ADPGK: variants seen among roughly 807,000 people sequenced by gnomAD.
ADPGK encodes the protein ADP-dependent glucokinase.
Under a neutral mutation model 42.4 loss-of-function variants are expected in ADPGK, and 26 were observed. That is an observed-to-expected ratio of 0.61 (90% confidence interval 0.45 to 0.85). ADPGK has a LOEUF of 0.85. Among genes scored for constraint, ADPGK ranks in the 40% least tolerant of loss-of-function variants. ADPGK has a pLI of 0.00. For missense variants in ADPGK, 571 were observed against 627.0 expected, an observed-to-expected ratio of 0.91 and a Z score of 0.95; for synonymous variants, 267 against 252.6, an observed-to-expected ratio of 1.06 and a Z score of -0.54.
rs2066050640 is a variant in ADPGK, at chr15:72,751,945, G to A, written c.*396C>T. The A allele has an allele frequency of 5.4e-6, 1 of 186,852 alleles. No individual in the cohort carries two copies. The highest frequency in any genetic ancestry group is 2.4e-5 in the African/African-American group (1 of 42,418). 11.6% of individuals were successfully genotyped at this position (186,852 alleles called of 1,614,324 possible). On this transcript the variant is annotated 3_prime_UTR_variant, in exon 7 of 7. Transcript: ENST00000456471. ...CATGGGCACTGAGCTGAAAGAAAGA[G>A]GAACCTCACATGAGGCTTTCCTAGA...
Position 72,763,586 on chromosome 15 carries a change from A to G in ADPGK, c.523-3059T>C, listed in dbSNP as rs528690314. Among the ~76,000 whole-genome samples the G allele has an allele frequency of 7.0e-4, 107 of 152,336 alleles. 1 individual carries two copies. The highest frequency in any genetic ancestry group is 2.4e-3 in the African/African-American group (99 of 41,570). On this transcript the variant is annotated intron_variant, in intron 3 of 6. Coordinates refer to ENST00000456471, the MANE Select transcript of ADPGK (RefSeq NM_001365225.1). Reference sequence around the variant, plus strand: ...CTTATTATTTAAATCTCTTTAAGAGATAACTGAAGAGAAGTACTAACAAAT... The same window carrying G: ...CTTATTATTTAAATCTCTTTAAGAGGTAACTGAAGAGAAGTACTAACAAAT...
chr15:72,760,363 G>A (rs375786128), intron 4 of ADPGK, 44 bp downstream of exon 4: 164 of 1,557,596 alleles, frequency 1.1e-4, no homozygotes, highest in Non-Finnish European at 1.3e-4. Flanking sequence ...ACAATACACA[G>A]CCCCTTGACT....
At chr15:72,783,088 A>T in intron 1 of ADPGK, 1 of 483,484 alleles carries the variant, frequency 2.1e-6, no homozygotes, top group Non-Finnish European at 2.8e-6. Context: ...CAGAAGAAAG[A>T]GGAAGAGTGT....
At chr15:72,773,652 G>A (rs1273312095) in intron 2 of ADPGK, among the ~76,000 whole-genome samples, 2 of 152,162 alleles carry the variant, frequency 1.3e-5, no homozygotes, top group Admixed American at 1.3e-4. Context: ...AATCAAACTG[G>A]TGGTTTAAAT....
Position 72,755,537 on chromosome 15 carries a change from G to C in ADPGK, c.939+19C>G, listed in dbSNP as rs776928326. On this transcript the variant is annotated intron_variant, in intron 6 of 6. Coordinates refer to ENST00000456471, the MANE Select transcript of ADPGK (RefSeq NM_001365225.1). The stretch of plus-strand genomic sequence containing the variant: ...GGCTCTATGAGGATCAGGGCCAAAC[G>C]ATGGTCCCATGAGGTTACCTGATGG... 14 of 1,593,028 alleles carry C rather than the reference G, an allele frequency of 8.8e-6. No individual in the cohort carries two copies. In the South Asian group the frequency reaches 1.6e-4, roughly 18 times the overall value.
rs757749021 is a variant in ADPGK, at chr15:72,751,572, G to C, written c.*769C>G. On this transcript the variant is annotated 3_prime_UTR_variant, in exon 7 of 7. Transcript: ENST00000456471. The stretch of plus-strand genomic sequence containing the variant: ...TCCAGTTGTAAAAAACAAATTCCTT[G>C]AAGGCTCAGAACGAACAAAAATCAG... 1 of 152,582 alleles carries C rather than the reference G, an allele frequency of 6.6e-6. No homozygotes were observed. Among genetic ancestry groups the C allele is most frequent in the Non-Finnish European group, 1.5e-5 (1 of 68,040 alleles). The allele number at this position is 152,582 out of a possible 1,614,324, so 9.5% of individuals were successfully genotyped here.
At chr15:72,754,073 A>AT (rs765821746) in intron 6 of ADPGK, among the ~76,000 whole-genome samples, 1 of 150,094 alleles carries the variant, frequency 6.7e-6, no homozygotes, top group Admixed American at 6.6e-5. Flanking sequence ...TAATATTACC[A>AT]TAAAAAAAAA....
At chr15:72,758,479 C>G (rs7171728) in intron 4 of ADPGK, 102,196 of 339,970 alleles carry the variant, frequency 0.3, 18,010 homozygotes, top group East Asian at 0.76. Flanking sequence ...AGGTCAGAGA[C>G]AAGCTGGGAA....
At chr15:72,783,262 C>A in intron 1 of ADPGK, 197 bp downstream of exon 1, 1 of 1,244,564 alleles carries the variant, frequency 8.0e-7, no homozygotes, top group Non-Finnish European at 1.0e-6. Context: ...GAGAGAAAGG[C>A]GCAGAGGCCA....
rs2066116034 is a variant in ADPGK at position 72,756,429 on chromosome 15, A to T, written c.662T>A (p.Leu221Ter). ...GAATCGGTTGGCATGGGGAGCTTTT[A>T]ACTGGCCCCACTCCTCCCCTGGAAA... The part of the protein sequence containing the change: ...EYQAGEEWGQ[L>*]KAPHANRFIF... The change falls in exon 5 of 7, where the codon TTA (leucine) becomes TAA (stop). Residue 221 changes from leucine to a stop codon, truncating the protein, a stop_gained. Transcript: ENST00000456471. LOFTEE classifies it high-confidence loss of function. 3 of 1,614,154 alleles carry T rather than the reference A, an allele frequency of 1.9e-6. No individual in the cohort carries two copies.
At chr15:72,779,368 C>A (rs1241079729) in intron 1 of ADPGK, among the ~76,000 whole-genome samples, 1 of 151,266 alleles carries the variant, frequency 6.6e-6, no homozygotes, top group Non-Finnish European at 1.5e-5. Flanking sequence ...CCTGCCTCAG[C>A]CTCCTGAGAA....
chr15:72,782,878 A>T (rs1176250240), intron 1 of ADPGK: 2 of 152,320 alleles, frequency 1.3e-5, no homozygotes, highest in Non-Finnish European at 2.9e-5. Context: ...AAGAACCTTA[A>T]ATATGCAGTG....
chr15:72,752,973 T>A, intron 6 of ADPGK, 78 bp from the exon 7 acceptor site: 1 of 1,403,414 alleles, frequency 7.1e-7, no homozygotes, highest in South Asian at 1.4e-5. Flanking sequence ...AGCCAGTGAC[T>A]AAATGACAGG....
chr15:72,759,679 G>A (rs896789292), intron 4 of ADPGK, among the ~76,000 whole-genome samples: 7 of 151,436 alleles, frequency 4.6e-5, no homozygotes, highest in African/African-American at 1.2e-4. Context: ...AGTCTTTAAT[G>A]TGTATTAACA....
chr15:72,754,287 T>C (rs993968859), intron 6 of ADPGK, among the ~76,000 whole-genome samples: 1 of 152,094 alleles, frequency 6.6e-6, no homozygotes, highest in Non-Finnish European at 1.5e-5. Context: ...TGGGAAGGGT[T>C]CTGGAACCGC....
chr15:72,752,232 C>A lies in ADPGK; in HGVS notation c.*109G>T. On this transcript the variant is annotated 3_prime_UTR_variant, in exon 7 of 7. Coordinates refer to ENST00000456471, the MANE Select transcript of ADPGK (RefSeq NM_001365225.1). ...CCAACAGGCTGGAATGTACCTGATA[C>A]AGTTTAATCTGCTTTTATTTCTTTG... 6.3e-6 allele frequency: 7 copies of A among 1,102,948 alleles called. No homozygotes were observed. Among genetic ancestry groups the A allele is most frequent in the Non-Finnish European group, 8.9e-6 (7 of 790,026 alleles). The allele number at this position is 1,102,948 out of a possible 1,614,324, so 68.3% of individuals were successfully genotyped here. A position where few individuals can be genotyped will look rare whatever the true frequency, so the allele number is the denominator to read the frequency against.
Position 72,760,397 on chromosome 15 carries a change from A to C in ADPGK, c.643+10T>G, listed in dbSNP as rs1438481206. On this transcript the variant is annotated intron_variant, in intron 4 of 6. Coordinates refer to ENST00000456471, the MANE Select transcript of ADPGK (RefSeq NM_001365225.1). ...CTGGTCTTGCCACCATTACTTACTC[A>C]TTTCCTTACCTGCTTGATACTCTAA... The C allele has an allele frequency of 1.9e-6, 3 of 1,584,620 alleles. No homozygotes were observed. The highest frequency in any genetic ancestry group is 2.6e-6 in the Non-Finnish European group (3 of 1,157,742).
rs531210217 is a variant in ADPGK at position 72,755,397 on chromosome 15, G to C, written c.939+159C>G. ...ATACTGCTGTTTCAGAACAGTCCTG[G>C]ATCCTTATTTGGATCTCCATGGACT... On this transcript the variant is annotated intron_variant, in intron 6 of 6. Transcript: ENST00000456471. 2.0e-5 allele frequency among the ~76,000 whole-genome samples: 3 copies of C among 152,278 alleles called. No individual in the cohort carries two copies. In the South Asian group the frequency reaches 6.2e-4, roughly 32 times the overall value.
At chr15:72,777,254 A>G (rs2066401947) in intron 1 of ADPGK, among the ~76,000 whole-genome samples, 2 of 152,212 alleles carry the variant, frequency 1.3e-5, no homozygotes, top group Non-Finnish European at 2.9e-5. Flanking sequence ...AGTTTCAGAC[A>G]GTGAGGGCTT....
Sources: gnomAD v4.1 joint callset for allele counts (sites outside exome capture counted in the v4.1 genomes callset) on GRCh38, gnomAD v4.1.1 for gene constraint, MANE v1.5 for transcripts, NCBI Gene and HGNC (gene_info 2026-07-23, HGNC 2026-07-21) for gene names.